Variants in MIS18BP1 observed in about 807,000 individuals in gnomAD.
MIS18BP1 encodes the protein MIS18 binding protein 1.
A neutral mutation model predicts 116.1 loss-of-function variants in MIS18BP1; 72 were observed. The ratio of observed to expected loss-of-function variants is 0.62; its 90% CI spans 0.51 to 0.75. The LOEUF is 0.75. Among genes scored for constraint, MIS18BP1 ranks in the 30% least tolerant of loss-of-function variants. The pLI, the probability that MIS18BP1 is intolerant of heterozygous loss-of-function variation, is 0.00. For synonymous variants in MIS18BP1, 386 were observed against 427.0 expected, an observed-to-expected ratio of 0.90 and a Z score of 1.18; for missense variants, 1,363 against 1,303.2, an observed-to-expected ratio of 1.05 and a Z score of -0.71.
At position 45,242,946 on chromosome 14, in the gene MIS18BP1, A is replaced by G. The variant is rs374278584; in HGVS notation, c.545-72T>C. The G allele has an allele frequency of 8.1e-6, 8 of 993,006 alleles. No individual in the cohort carries two copies. In the East Asian group the frequency reaches 1.9e-4, roughly 24 times the overall value. The allele number at this position is 993,006 out of a possible 1,614,324, so 61.5% of individuals were successfully genotyped here. The stretch of plus-strand genomic sequence containing the variant: ...CACTAAGAAAAAAACAGCTTTTAAA[A>G]TTCTTGAAATAAAGACACTTAGATT... On this transcript the variant is annotated intron_variant, in intron 2 of 16. Coordinates refer to ENST00000310806, the MANE Select transcript of MIS18BP1 (RefSeq NM_018353.5).
chr14:45,247,318 A>G lies in MIS18BP1; in HGVS notation c.-32T>C, dbSNP rs745885361. On this transcript the variant is annotated 5_prime_UTR_variant, in exon 2 of 17. Transcript: ENST00000310806. ...AAGAAAGTAGCAACCAAGTTCTTCT[A>G]ACAGAAAATTCACTTAAGCGCAATT... 139 of 1,509,214 alleles carry G rather than the reference A, an allele frequency of 9.2e-5. 1 individual carries two copies. The highest frequency in any genetic ancestry group is 1.0e-4 in the Non-Finnish European group (115 of 1,136,184). The allele number at this position is 1,509,214 out of a possible 1,614,324, so 93.5% of individuals were successfully genotyped here. A position where few individuals can be genotyped will look rare whatever the true frequency, so the allele number is the denominator to read the frequency against.
At position 45,203,280 on chromosome 14, in the gene MIS18BP1, A is replaced by G. The variant is rs538759402; in HGVS notation, c.*829T>C. 1 of 152,318 alleles carries G rather than the reference A, an allele frequency of 6.6e-6. No individual in the cohort carries two copies. Among genetic ancestry groups the G allele is most frequent in the African/African-American group, 2.4e-5 (1 of 41,578 alleles). 9.4% of individuals were successfully genotyped at this position (152,318 alleles called of 1,614,324 possible). On this transcript the variant is annotated 3_prime_UTR_variant, in exon 17 of 17. Coordinates refer to ENST00000310806, the MANE Select transcript of MIS18BP1 (RefSeq NM_018353.5). ...AGCCAGAGGGAAAATATCCTATGTC[A>G]AGTTTCAAAACATAACAAGCAAAAA... is the stretch of plus-strand genomic sequence containing the variant.
intron 4 of MIS18BP1, among the ~76,000 whole-genome samples, chr14:45,240,738 C>CA (rs397852811): frequency 0.011 from 1,504 of 141,742 alleles, 11 homozygotes; most frequent in Non-Finnish European, 0.016. Context: ...GAGAATAATC[C>CA]AAAAAAAAAA....
At chr14:45,241,587 C>T (rs558193150) in intron 4 of MIS18BP1, 3 of 153,200 alleles carry the variant, frequency 2.0e-5, no homozygotes, top group Admixed American at 2.0e-4. Context: ...CCTAATGTAA[C>T]AGTTTAATGC....
At chr14:45,234,608 T>G (rs1012059991) in intron 6 of MIS18BP1, among the ~76,000 whole-genome samples, 2 of 152,162 alleles carry the variant, frequency 1.3e-5, no homozygotes, top group Non-Finnish European at 2.9e-5. Flanking sequence ...TATTGGAGAT[T>G]TGTCAAAATA....
Position 45,247,205 on chromosome 14 carries a change from C to T in MIS18BP1, c.82G>A (p.Ala28Thr). 6.2e-7 allele frequency: 1 copy of T among 1,612,704 alleles called. No individual in the cohort carries two copies. The highest frequency in any genetic ancestry group is 8.5e-7 in the Non-Finnish European group (1 of 1,179,814). The change falls in exon 2 of 17, where the codon GCA becomes ACA. Residue 28 changes from alanine (A) to threonine (T), a missense_variant. Physicochemically the swap from Ala to Thr is moderately conservative, Grantham distance 58 (BLOSUM62 0). Transcript: ENST00000310806. ...SSQRRNLPMD[A>T]IFFDSIPSGT... ...GAAGGAATGCTGTCAAAAAAGATTGCATCCATGGGTAGATTTCTCCTTTGA... is the reference window on the plus strand; with the variant it reads ...GAAGGAATGCTGTCAAAAAAGATTGTATCCATGGGTAGATTTCTCCTTTGA...
intron 15 of MIS18BP1, 42 bp from the exon 16 acceptor site, chr14:45,204,495 G>C: frequency 3.4e-6 from 5 of 1,459,724 alleles, no homozygotes; most frequent in Non-Finnish European, 4.7e-6. Context: ...GTACCTCCTG[G>C]TGAAGTCTAC....
At chr14:45,231,328 A>G (rs755647617) in intron 7 of MIS18BP1, 30 bp from the exon 8 acceptor site, 1 of 1,515,778 alleles carries the variant, frequency 6.6e-7, no homozygotes, top group Non-Finnish European at 8.9e-7. Flanking sequence ...ATTTTTCCTT[A>G]ATACTGATTC....
At chr14:45,226,187 T>C (rs1891117396) in intron 10 of MIS18BP1, among the ~76,000 whole-genome samples, 1 of 152,180 alleles carries the variant, frequency 6.6e-6, no homozygotes, top group Non-Finnish European at 1.5e-5. Flanking sequence ...AAACCGAATA[T>C]GAACTCGGAA....
At chr14:45,231,325 C>G in intron 7 of MIS18BP1, 27 bp from the exon 8 acceptor site, 1 of 1,521,476 alleles carries the variant, frequency 6.6e-7, no homozygotes, top group Non-Finnish European at 8.8e-7. Flanking sequence ...TTTATTTTTC[C>G]TTAATACTGA....
In MIS18BP1 at chr14:45,247,052, T is replaced by G. The variant is rs149592851; in HGVS notation, c.235A>C (p.Met79Leu). 6.3e-5 allele frequency: 101 copies of G among 1,613,252 alleles called. No individual in the cohort carries two copies. Among genetic ancestry groups the G allele is most frequent in the Non-Finnish European group, 8.2e-5 (97 of 1,179,806 alleles). Residue 79 changes from methionine (M) to leucine (L), a missense_variant, in exon 2 of 17, where the codon ATG becomes CTG. Transcript: ENST00000310806. ...TTAGAGGTAGTAGCCTCTGTTAGCA[T>G]AGTTGATTGAAATATATTTTTATTG... ...FNNKNIFQST[M>L]LTEATTSNSS...
rs1566816927 is a variant in MIS18BP1, at chr14:45,235,929, T to G, written c.1233A>C (p.Ile411=). ...VEGKLIDVTN[I]YWHSNVIIER... ...CTATAATTACATTACTGTGCCAATA[T>G]ATGTTAGTGACGTCTCTAGGAAAAA... is the stretch of plus-strand genomic sequence containing the variant. Residue 411 remains isoleucine (I), a synonymous_variant, in exon 6 of 17, where the codon ATA becomes ATC. Transcript: ENST00000310806. 1 of 1,606,114 alleles carries G rather than the reference T, an allele frequency of 6.2e-7. No individual in the cohort carries two copies. Among genetic ancestry groups the G allele is most frequent in the Non-Finnish European group, 8.5e-7 (1 of 1,177,094 alleles).
At chr14:45,222,771 C>T (rs910020689) in intron 11 of MIS18BP1, among the ~76,000 whole-genome samples, 6 of 152,174 alleles carry the variant, frequency 3.9e-5, no homozygotes, top group African/African-American at 1.4e-4. Context: ...CCTCTCTTTC[C>T]GCGATTTCTG....
At chr14:45,246,370 C>T (rs1891721925) in intron 2 of MIS18BP1, among the ~76,000 whole-genome samples, 1 of 152,198 alleles carries the variant, frequency 6.6e-6, no homozygotes, top group Non-Finnish European at 1.5e-5. Flanking sequence ...TTTATAACAG[C>T]TGCCTAGATC....
At chr14:45,223,309 T>C (rs533667726) in intron 11 of MIS18BP1, among the ~76,000 whole-genome samples, 1 of 152,362 alleles carries the variant, frequency 6.6e-6, no homozygotes, top group East Asian at 1.9e-4. Context: ...CCGGGCACGG[T>C]GGCTTATGCC....
Position 45,227,724 on chromosome 14 carries a change from A to G in MIS18BP1, c.1685T>C (p.Phe562Ser). The change falls in exon 9 of 17, where the codon TTC (phenylalanine) becomes TCC (serine). Residue 562 changes from phenylalanine to serine, a missense_variant. Coordinates refer to ENST00000310806, the MANE Select transcript of MIS18BP1 (RefSeq NM_018353.5). ...AGTATTATTTACTTGGTCATCTGGGAACCTTAATGTTGGTTTATTTTGGCA... is the reference window on the plus strand; with the variant it reads ...AGTATTATTTACTTGGTCATCTGGGGACCTTAATGTTGGTTTATTTTGGCA... ...SNCQNKPTLR[F>S]PDDQVNNTIQ... is the part of the protein sequence containing the mutation. 1 of 1,613,846 alleles carries G rather than the reference A, an allele frequency of 6.2e-7. No homozygotes were observed. Among genetic ancestry groups the G allele is most frequent in the Non-Finnish European group, 8.5e-7 (1 of 1,179,782 alleles).
At chr14:45,250,435 T>C (rs796588681) in intron 1 of MIS18BP1, among the ~76,000 whole-genome samples, 18 of 152,308 alleles carry the variant, frequency 1.2e-4, no homozygotes, top group African/African-American at 4.1e-4. Flanking sequence ...CAGCCTCTGA[T>C]GAAACACAGA....
chr14:45,219,560 ATAATT>A (rs1266753807), intron 11 of MIS18BP1, among the ~76,000 whole-genome samples: 2 of 152,234 alleles, frequency 1.3e-5, no homozygotes, highest in East Asian at 3.8e-4. Context: ...TTTGTTTTAA[ATAATT>A]TAAGTTTATA....
intron 2 of MIS18BP1, among the ~76,000 whole-genome samples, chr14:45,244,670 C>CTCT (rs1891678283): frequency 6.6e-6 from 1 of 152,214 alleles, no homozygotes; most frequent in African/African-American, 2.4e-5. Flanking sequence ...TCTTAAACAG[C>CTCT]TCTTCTGTGT....
Sources: gnomAD v4.1 joint callset for allele counts (sites outside exome capture counted in the v4.1 genomes callset) on GRCh38, gnomAD v4.1.1 for gene constraint, MANE v1.5 for transcripts, NCBI Gene and HGNC (gene_info 2026-07-23, HGNC 2026-07-21) for gene names.